The following MYO7B variants were observed in gnomAD, a reference collection of about 807,000 sequenced individuals.
MYO7B encodes myosin VIIB.
Under a neutral mutation model 259.7 loss-of-function variants are expected in MYO7B, and 212 were observed. The observed-to-expected ratio is 0.82, with a 90% CI of 0.73 to 0.91. MYO7B has a LOEUF of 0.91. MYO7B is among the 40% of genes least tolerant of loss of function. MYO7B has a pLI of 0.00. For missense variants in MYO7B, 2,732 were observed against 2,813.5 expected (o/e 0.97, Z 0.66); for synonymous variants, 1,197 against 1,166.4 (o/e 1.03, Z -0.54).
In MYO7B at chr2:127,608,713, G is replaced by A. The variant is rs201458881; in HGVS notation, c.2649G>A (p.Pro883=). 60 of 1,611,028 alleles carry A rather than the reference G, an allele frequency of 3.7e-5. No homozygotes were observed. The African/African-American group carries it at 5.3e-4, about 14-fold the overall frequency. Residue 883 remains proline (P), a synonymous_variant, in exon 22 of 48, where the codon CCG becomes CCA. Coordinates refer to ENST00000409816, the MANE Select transcript of MYO7B (RefSeq NM_001393586.1). ...RNFQQRKANA[P]LVIPAEGQKS... Reference sequence around the variant, plus strand: ...TTCCTCCACGGGGTATGCAGGCGCCGCTGGTCATCCCGGCCGAGGGGCAGA... The same window carrying A: ...TTCCTCCACGGGGTATGCAGGCGCCACTGGTCATCCCGGCCGAGGGGCAGA...
At chr2:127,575,479 G>A (rs889563883) in intron 7 of MYO7B, among the ~76,000 whole-genome samples, 6 of 151,630 alleles carry the variant, frequency 4.0e-5, no homozygotes, top group Admixed American at 1.3e-4. Context: ...CAGAGGAGGC[G>A]GTCTGTCCAT....
chr2:127,588,362 G>A (rs1347412600), intron 14 of MYO7B, 30 bp from the exon 15 acceptor site: 1 of 1,609,194 alleles, frequency 6.2e-7, no homozygotes, highest in Admixed American at 1.7e-5. Flanking sequence ...GGCTAAGCTG[G>A]GATGCTGGGT....
Position 127,632,299 on chromosome 2 carries a change from C to T in MYO7B, c.5303C>T (p.Pro1768Leu), listed in dbSNP as rs760132965. 28 of 1,611,408 alleles carry T rather than the reference C, an allele frequency of 1.7e-5. No individual in the cohort carries two copies. The African/African-American group carries it at 1.9e-4, about 11-fold the overall frequency. ...CTGTGGCTGTGCACGGGCCTCTTCC[C>T]GCCCAGCAAGGGGCTGCTGCCCCAT... The part of the protein sequence containing the change: ...QLLWLCTGLF[P>L]PSKGLLPHAQ... The change falls in exon 39 of 48, where the codon CCG becomes CTG. Residue 1768 changes from proline (P) to leucine (L), a missense_variant. Physicochemically the swap from Pro to Leu is moderately conservative, Grantham distance 98. Around this residue, in one of 3 missense-constraint regions of MYO7B, gnomAD observed 821 missense variants for 769.3 expected, o/e 1.07. Transcript: ENST00000409816.
intron 6 of MYO7B, 142 bp downstream of exon 6, chr2:127,570,052 G>A (rs753709148): frequency 1.6e-4 from 179 of 1,099,656 alleles, no homozygotes; most frequent in Non-Finnish European, 2.2e-4. Context: ...ACAAGGGTGG[G>A]GTGCATGGTA....
chr2:127,575,434 G>C (rs559937459), intron 7 of MYO7B, among the ~76,000 whole-genome samples: 2 of 152,156 alleles, frequency 1.3e-5, no homozygotes. Context: ...CCCAAGAAAA[G>C]AGAAAGAATT....
At chr2:127,563,605 C>A (rs1383380395) in intron 2 of MYO7B, among the ~76,000 whole-genome samples, 2 of 152,234 alleles carry the variant, frequency 1.3e-5, no homozygotes, top group Non-Finnish European at 2.9e-5. Context: ...ACTGCTGCAG[C>A]AAGACATGCT....
At chr2:127,552,123 GA>G (rs887442911) in intron 1 of MYO7B, among the ~76,000 whole-genome samples, 2 of 151,718 alleles carry the variant, frequency 1.3e-5, no homozygotes, top group African/African-American at 2.4e-5. Flanking sequence ...TTGGCATTTG[GA>G]AAAAAAAGTG....
chr2:127,620,176 G>A (rs1573703182), intron 26 of MYO7B, 164 bp from the exon 27 acceptor site: 1 of 712,652 alleles, frequency 1.4e-6, no homozygotes, highest in East Asian at 2.7e-5. Flanking sequence ...GAGCCTGGTG[G>A]CACTGTCCTG....
rs1051592762 is a variant in MYO7B at position 127,611,827 on chromosome 2, G to A, written c.3193-423G>A. ...GATCCCCTGCAGAGCACCTTGCAGT[G>A]GCAGAGCATCCTGCTTCATCTGCTA... On this transcript the variant is annotated intron_variant, in intron 24 of 47. Coordinates refer to ENST00000409816, the MANE Select transcript of MYO7B (RefSeq NM_001393586.1). The surrounding 1 kb of genome is among the most constrained non-coding windows in gnomAD (Gnocchi z 5.4). Among the ~76,000 whole-genome samples the A allele has an allele frequency of 6.6e-6, 1 of 152,158 alleles. No individual in the cohort carries two copies. The highest frequency in any genetic ancestry group is 1.5e-5 in the Non-Finnish European group (1 of 68,028).
intron 43 of MYO7B, 111 bp from the exon 44 acceptor site, chr2:127,635,611 C>T (rs1190792754): frequency 5.0e-6 from 6 of 1,205,410 alleles, no homozygotes; most frequent in Admixed American, 2.2e-5. Flanking sequence ...CTCAGTCCGT[C>T]CTGGATGGAG....
rs566063342 is a variant in MYO7B, at chr2:127,609,501, C to A, written c.2815-5C>A. The A allele has an allele frequency of 5.6e-6, 9 of 1,608,566 alleles. No homozygotes were observed. In the African/African-American group the frequency reaches 1.2e-4, roughly 21 times the overall value. Reference sequence around the variant, plus strand: ...CTGACCCGTGTTCTCCCTCAATGGCCGTAGGATCTGGAATCGAAGACCCAG... The same window carrying A: ...CTGACCCGTGTTCTCCCTCAATGGCAGTAGGATCTGGAATCGAAGACCCAG... On this transcript the variant is annotated splice_region_variant and splice_polypyrimidine_tract_variant and intron_variant, in intron 22 of 47. Transcript: ENST00000409816. This position sits in a 1 kb window ranked among gnomAD's most constrained non-coding sequence, Gnocchi z 6.9.
chr2:127,544,687 T>G (rs918893738), intron 1 of MYO7B, among the ~76,000 whole-genome samples: 3 of 151,834 alleles, frequency 2.0e-5, no homozygotes, highest in Non-Finnish European at 4.4e-5. Context: ...TTTACGCCAT[T>G]CTCCTGCCTC....
rs554710884 is a variant in MYO7B, at chr2:127,632,190, T to C, written c.5250-56T>C. 5 of 1,562,036 alleles carry C rather than the reference T, an allele frequency of 3.2e-6. No homozygotes were observed. The African/African-American group carries it at 5.4e-5, about 17-fold the overall frequency. ...ATCCGTCCCTGCTCCCCAAGGTGCC[T>C]GCCTGGCCAGGGCCCCCTGAGGGGC... On this transcript the variant is annotated intron_variant, in intron 38 of 47. Transcript: ENST00000409816.
intron 2 of MYO7B, among the ~76,000 whole-genome samples, chr2:127,561,982 G>A (rs1047188629): frequency 6.6e-6 from 1 of 151,918 alleles, no homozygotes; most frequent in Non-Finnish European, 1.5e-5. Context: ...TTCTGTGCTT[G>A]GGGGTGAGGA....
Position 127,623,687 on chromosome 2 carries a change from A to C in MYO7B, c.3819+312A>C, listed in dbSNP as rs558805264. On this transcript the variant is annotated intron_variant, in intron 29 of 47. Transcript: ENST00000409816. ...GCACTCACACCAGTCTCCTGCTCCA[A>C]ACTCCCTCATGCCCAGGAGCTGTGG... Among the ~76,000 whole-genome samples, 32 of 152,106 alleles carry C rather than the reference A, an allele frequency of 2.1e-4. No homozygotes were observed. The East Asian group carries it at 5.8e-3, about 28-fold the overall frequency.
chr2:127,627,440 C>G lies in MYO7B; in HGVS notation c.4460+130C>G. ...CAGGCCGGGGTGGAGGGACAAGAAT[C>G]TACGTATGCGATGGCTTCTGTACTT... On this transcript the variant is annotated intron_variant, in intron 33 of 47. Coordinates refer to ENST00000409816, the MANE Select transcript of MYO7B (RefSeq NM_001393586.1). This position sits in a 1 kb window ranked among gnomAD's most constrained non-coding sequence, Gnocchi z 5.6. The G allele has an allele frequency of 7.9e-7, 1 of 1,272,282 alleles. No individual in the cohort carries two copies. The highest frequency in any genetic ancestry group is 2.5e-5 in the East Asian group (1 of 40,076). The allele number at this position is 1,272,282 out of a possible 1,614,324, so 78.8% of individuals were successfully genotyped here. A position where few individuals can be genotyped will look rare whatever the true frequency, so the allele number is the denominator to read the frequency against.
chr2:127,581,869 C>A (rs1235766137), intron 10 of MYO7B, 22 bp from the exon 11 acceptor site: 1 of 1,613,018 alleles, frequency 6.2e-7, no homozygotes, highest in Non-Finnish European at 8.5e-7. Flanking sequence ...AGGTGCGACG[C>A]AGCCCCCACC....
intron 6 of MYO7B, among the ~76,000 whole-genome samples, chr2:127,571,723 AC>A (rs1195179556): frequency 1.3e-5 from 2 of 151,220 alleles, no homozygotes; most frequent in Non-Finnish European, 3.0e-5. Flanking sequence ...CAGGTGATCC[AC>A]CCGCCTCGGC....
rs532768778 is a variant in MYO7B at position 127,554,135 on chromosome 2, T to C, written c.-23-5565T>C. Among the ~76,000 whole-genome samples, 423 of 152,232 alleles carry C rather than the reference T, an allele frequency of 2.8e-3. 2 individuals are homozygous for C. The highest frequency in any genetic ancestry group is 4.4e-3 in the Admixed American group (68 of 15,286). On this transcript the variant is annotated intron_variant, in intron 1 of 47. Transcript: ENST00000409816. ...TGTTGCCCAGGCTGGAGTGCAATGG[T>C]GCAATCTCAGCTCACCACAACCTCT...
Sources: allele counts gnomAD v4.1 joint callset (sites outside exome capture counted in the v4.1 genomes callset), GRCh38; gene constraint gnomAD v4.1.1; regional missense constraint gnomAD v4.1.1; non-coding constraint Gnocchi (gnomAD v3.1); transcripts MANE v1.5; gene names NCBI Gene and HGNC (gene_info 2026-07-23, HGNC 2026-07-21).